Variants in INVS observed in about 807,000 individuals in gnomAD.
INVS encodes inversin, also known as inversion of embryo turning homolog.
A neutral mutation model predicts 108.8 loss-of-function variants in INVS; 86 were observed. The ratio of observed to expected loss-of-function variants is 0.79; its 90% confidence interval spans 0.66 to 0.95. The LOEUF is 0.95. Ranked by LOEUF, INVS falls within the 40% of genes least tolerant of loss-of-function variation. INVS has a pLI of 0.00. For missense variants in INVS, 1,169 were observed against 1,297.4 expected (o/e 0.90, Z 1.52); for synonymous variants, 455 against 473.5 (o/e 0.96, Z 0.51).
rs571861625 is a variant in INVS, at chr9:100,242,456, C to T, written c.797-114C>T. The T allele has an allele frequency of 3.2e-4, 215 of 678,022 alleles. 8 individuals carry two copies. The South Asian group carries it at 3.3e-3, about 10-fold the overall frequency. The allele number at this position is 678,022 out of a possible 1,614,324, so 42.0% of individuals were successfully genotyped here. On this transcript the variant is annotated intron_variant, in intron 6 of 16. Transcript: ENST00000262457. ...GCATTGGGGGCTGCTGTTCAGAAACCGTTGTGAATGCTGTATTATGTTAGT... is the reference window on the plus strand; with the variant it reads ...GCATTGGGGGCTGCTGTTCAGAAACTGTTGTGAATGCTGTATTATGTTAGT...
At chr9:100,153,987 A>G (rs1452135730) in intron 3 of INVS, among the ~76,000 whole-genome samples, 1 of 152,232 alleles carries the variant, frequency 6.6e-6, no homozygotes, top group Non-Finnish European at 1.5e-5. Flanking sequence ...TATAACGCTT[A>G]TGGAGGGAAA....
At chr9:100,192,420 A>G (rs1304602628) in intron 3 of INVS, among the ~76,000 whole-genome samples, 1 of 152,190 alleles carries the variant, frequency 6.6e-6, no homozygotes, top group Non-Finnish European at 1.5e-5. Flanking sequence ...GCACAAATAT[A>G]TCATAATTTG....
chr9:100,205,431 C>T (rs779600282), intron 3 of INVS, among the ~76,000 whole-genome samples: 3 of 152,004 alleles, frequency 2.0e-5, no homozygotes, highest in Non-Finnish European at 2.9e-5. Flanking sequence ...TTTTTATGTC[C>T]ATGCCACAAA....
At chr9:100,156,961 T>C (rs926186848) in intron 3 of INVS, among the ~76,000 whole-genome samples, 1 of 139,202 alleles carries the variant, frequency 7.2e-6, no homozygotes, top group Admixed American at 6.8e-5. Flanking sequence ...CACACATATA[T>C]ATATAGGGAT....
At chr9:100,297,814 A>T in intron 15 of INVS, 122 bp from the exon 16 acceptor site, 1 of 969,014 alleles carries the variant, frequency 1.0e-6, no homozygotes, top group Non-Finnish European at 1.7e-6. Flanking sequence ...TCCACACCAT[A>T]CCTAACTTAT....
intron 3 of INVS, chr9:100,130,486 G>C (rs1297907983): frequency 1.3e-5 from 2 of 152,040 alleles, no homozygotes; most frequent in East Asian, 3.9e-4. Context: ...ACAAGCGTTT[G>C]TTAAATATCT....
chr9:100,246,167 A>T (rs1832041320), intron 7 of INVS, among the ~76,000 whole-genome samples: 1 of 151,984 alleles, frequency 6.6e-6, no homozygotes, highest in Admixed American at 6.6e-5. Flanking sequence ...AAAAAAGAAA[A>T]AGAAAAAAGA....
At chr9:100,100,956 T>C (rs1307400815) in intron 1 of INVS, among the ~76,000 whole-genome samples, 2 of 34,540 alleles carry the variant, frequency 5.8e-5, no homozygotes, top group South Asian at 1.2e-3. Flanking sequence ...ACATATATAT[T>C]ATATATATAA....
intron 3 of INVS, among the ~76,000 whole-genome samples, chr9:100,219,275 TA>T (rs1260081321): frequency 1.3e-5 from 2 of 151,974 alleles, no homozygotes; most frequent in Non-Finnish European, 2.9e-5. Flanking sequence ...AGCAAACATA[TA>T]AAAACATTCC....
At chr9:100,147,272 T>C (rs915781352) in intron 3 of INVS, among the ~76,000 whole-genome samples, 2 of 152,072 alleles carry the variant, frequency 1.3e-5, no homozygotes, top group African/African-American at 2.4e-5. Context: ...AAACATAAAG[T>C]CAAAGACAAC....
At position 100,273,687 on chromosome 9, in the gene INVS, G is replaced by A. The variant is rs568878726; in HGVS notation, c.1784+611G>A. ...CGAGTAGCTGGGACTACAGGCGCGC[G>A]CCACCACACCCGGGTAATTTTTGTA... On this transcript the variant is annotated intron_variant, in intron 12 of 16. Coordinates refer to ENST00000262457, the MANE Select transcript of INVS (RefSeq NM_014425.5). Among the ~76,000 whole-genome samples, 9 of 151,484 alleles carry A rather than the reference G, an allele frequency of 5.9e-5. No homozygotes were observed. In the South Asian group the frequency reaches 1.5e-3, roughly 25 times the overall value.
At chr9:100,105,545 G>A (rs560298709) in intron 2 of INVS, among the ~76,000 whole-genome samples, 1 of 152,100 alleles carries the variant, frequency 6.6e-6, no homozygotes, top group African/African-American at 2.4e-5. Context: ...CAAAACTATT[G>A]TATCTCACAC....
At chr9:100,127,910 T>G (rs1827937065) in intron 3 of INVS, among the ~76,000 whole-genome samples, 1 of 152,206 alleles carries the variant, frequency 6.6e-6, no homozygotes, top group South Asian at 2.1e-4. Flanking sequence ...TAACTCCATT[T>G]AACTTGTTAT....
Position 100,301,627 on chromosome 9 carries a change from T to C in INVS, c.*953T>C, listed in dbSNP as rs1244808417. ...AGTGATGATGGGCTCTTTCACATTGTTTAAGGGGAAAGCTGCTGTGAGAAT... is the reference window on the plus strand; with the variant it reads ...AGTGATGATGGGCTCTTTCACATTGCTTAAGGGGAAAGCTGCTGTGAGAAT... On this transcript the variant is annotated 3_prime_UTR_variant, in exon 17 of 17. Coordinates refer to ENST00000262457, the MANE Select transcript of INVS (RefSeq NM_014425.5). 6.6e-6 allele frequency among the ~76,000 whole-genome samples: 1 copy of C among 152,188 alleles called. No homozygotes were observed. The highest frequency in any genetic ancestry group is 1.5e-5 in the Non-Finnish European group (1 of 68,016).
chr9:100,291,832 T>G (rs1319801812), intron 13 of INVS, among the ~76,000 whole-genome samples: 1 of 152,194 alleles, frequency 6.6e-6, no homozygotes, highest in Non-Finnish European at 1.5e-5. Flanking sequence ...TCTGGATTAT[T>G]TCCAAAAGGT....
intron 10 of INVS, among the ~76,000 whole-genome samples, chr9:100,257,564 T>C (rs1832462160): frequency 6.6e-6 from 1 of 152,234 alleles, no homozygotes; most frequent in South Asian, 2.1e-4. Flanking sequence ...CCTTTCCATG[T>C]TTACTGCTTC....
intron 2 of INVS, among the ~76,000 whole-genome samples, chr9:100,118,965 C>T (rs1827641278): frequency 6.6e-6 from 1 of 152,192 alleles, no homozygotes; most frequent in Admixed American, 6.5e-5. Context: ...CTGGTCTTTC[C>T]AGCACCATTT....
intron 5 of INVS, among the ~76,000 whole-genome samples, chr9:100,231,930 C>G (rs981858701): frequency 2.6e-5 from 4 of 152,198 alleles, no homozygotes; most frequent in African/African-American, 9.7e-5. Flanking sequence ...AGTCACCGCA[C>G]TGTCTTCCAC....
chr9:100,250,763 C>G (rs1832206915), intron 8 of INVS, among the ~76,000 whole-genome samples: 1 of 152,218 alleles, frequency 6.6e-6, no homozygotes, highest in South Asian at 2.1e-4. Context: ...ACTACAAATA[C>G]TTTCTCCTCA....
Sources: allele counts gnomAD v4.1 joint callset (sites outside exome capture counted in the v4.1 genomes callset), GRCh38; gene constraint gnomAD v4.1.1; transcripts MANE v1.5; gene names NCBI Gene and HGNC (gene_info 2026-07-23, HGNC 2026-07-21).